Variants in EYA4 observed in about 807,000 individuals in gnomAD.
EYA4 encodes the protein EYA transcriptional coactivator and phosphatase 4.
EYA4 carries 31 observed loss-of-function variants against 87.9 expected under a neutral mutation model. That is an observed-to-expected ratio of 0.35 (90% confidence interval 0.27 to 0.48). The LOEUF (loss-of-function observed/expected upper bound fraction) is 0.48, where lower values mean the gene tolerates loss of function less well. Ranked by LOEUF, EYA4 falls within the 20% of genes least tolerant of loss-of-function variation. The pLI is 0.99. For missense variants in EYA4, 678 were observed against 761.4 expected (o/e 0.89, Z 1.29); for synonymous variants, 263 against 270.6 (o/e 0.97, Z 0.28).
At chr6:133,354,841 A>G (rs892957190) in intron 2 of EYA4, among the ~76,000 whole-genome samples, 13 of 152,208 alleles carry the variant, frequency 8.5e-5, no homozygotes, top group African/African-American at 2.9e-4. Flanking sequence ...CTGTTTAACC[A>G]GGTCCATTGA....
At chr6:133,272,178 T>C (rs1776749142) in intron 1 of EYA4, among the ~76,000 whole-genome samples, 1 of 152,210 alleles carries the variant, frequency 6.6e-6, no homozygotes, top group Non-Finnish European at 1.5e-5. Flanking sequence ...GCTGTAGTGC[T>C]GCAGCTGTCC....
intron 5 of EYA4, among the ~76,000 whole-genome samples, chr6:133,450,281 G>A (rs547567834): frequency 3.0e-4 from 46 of 152,202 alleles, no homozygotes; most frequent in African/African-American, 1.1e-3. Flanking sequence ...CACCGTGCCC[G>A]GCCAAATTTC....
rs111715449 is a variant in EYA4 at position 133,390,207 on chromosome 6, C to T, written c.83+7766C>T. On this transcript the variant is annotated intron_variant, in intron 3 of 19. Transcript: ENST00000355286. ...TTCTGGGCTACCTGTTGTCCACTCTCCTAGTTCTCTTATTTTTATTTTTAT... is the reference window on the plus strand; with the variant it reads ...TTCTGGGCTACCTGTTGTCCACTCTTCTAGTTCTCTTATTTTTATTTTTAT... 2.0e-4 allele frequency among the ~76,000 whole-genome samples: 31 copies of T among 151,728 alleles called. 2 individuals carry two copies. Among genetic ancestry groups the T allele is most frequent in the South Asian group, 8.4e-4 (4 of 4,766 alleles).
intron 1 of EYA4, among the ~76,000 whole-genome samples, chr6:133,264,450 C>T (rs556068789): frequency 6.6e-6 from 1 of 152,258 alleles, no homozygotes; most frequent in Non-Finnish European, 1.5e-5. Context: ...GGGAGCAGGA[C>T]TGGAGGGAAG....
intron 6 of EYA4, among the ~76,000 whole-genome samples, chr6:133,457,383 AAAG>A (rs1490096290): frequency 1.1e-4 from 17 of 152,198 alleles, no homozygotes; most frequent in Non-Finnish European, 4.4e-5. Context: ...GGTACATCAG[AAAG>A]AAGAACATTA....
chr6:133,257,470 A>G (rs1422993271), intron 1 of EYA4, among the ~76,000 whole-genome samples: 2 of 152,230 alleles, frequency 1.3e-5, no homozygotes, highest in African/African-American at 2.4e-5. Flanking sequence ...AATATGACTG[A>G]TATTTATTTC....
At chr6:133,283,123 G>C (rs905985399) in intron 2 of EYA4, among the ~76,000 whole-genome samples, 1 of 151,884 alleles carries the variant, frequency 6.6e-6, no homozygotes, top group African/African-American at 2.4e-5. Flanking sequence ...GTGAAACCCT[G>C]TATCTACTAA....
rs1335856542 is a variant in EYA4 at position 133,294,348 on chromosome 6, TTTTTTG to T, written c.33+19540_33+19545del. Among the ~76,000 whole-genome samples the T allele has an allele frequency of 3.3e-5, 5 of 150,932 alleles. No homozygotes were observed. The East Asian group carries it at 7.8e-4, about 23-fold the overall frequency. On this transcript the variant is annotated intron_variant, in intron 2 of 19. Transcript: ENST00000355286. ...CTTGGTCTCTTGCTCTTTCTGTTTT[TTTTTTG>T]TTTTGTTTTTGTTTTTTTTGTTTTT...
At chr6:133,265,427 T>C (rs1426728354) in intron 1 of EYA4, among the ~76,000 whole-genome samples, 1 of 152,192 alleles carries the variant, frequency 6.6e-6, no homozygotes, top group Non-Finnish European at 1.5e-5. Flanking sequence ...CAGTTACTGT[T>C]ATTCCTTAAT....
chr6:133,320,789 C>T (rs1023361108), intron 2 of EYA4, among the ~76,000 whole-genome samples: 4 of 152,060 alleles, frequency 2.6e-5, no homozygotes, highest in Admixed American at 2.0e-4. Context: ...ATTTGATTTT[C>T]GGGGTTATTT....
intron 2 of EYA4, among the ~76,000 whole-genome samples, chr6:133,279,626 A>G (rs1016098714): frequency 2.0e-5 from 3 of 152,152 alleles, no homozygotes; most frequent in Admixed American, 6.5e-5. Context: ...AATAATGTCT[A>G]TTAAAATTCT....
At chr6:133,445,630 G>T (rs930550533) in intron 3 of EYA4, among the ~76,000 whole-genome samples, 2 of 150,256 alleles carry the variant, frequency 1.3e-5, no homozygotes, top group Non-Finnish European at 1.5e-5. Context: ...TCCGGCTGGA[G>T]TGCAGTGGCG....
intron 6 of EYA4, among the ~76,000 whole-genome samples, chr6:133,457,662 A>G (rs1264902595): frequency 6.6e-6 from 1 of 152,212 alleles, no homozygotes; most frequent in Admixed American, 6.6e-5. Flanking sequence ...AAATAATAGT[A>G]CATAAACTTT....
At chr6:133,317,503 T>C (rs1290100093) in intron 2 of EYA4, among the ~76,000 whole-genome samples, 2 of 152,346 alleles carry the variant, frequency 1.3e-5, no homozygotes, top group East Asian at 3.9e-4. Context: ...TCTTTGCTTT[T>C]ATATAGGAAC....
At chr6:133,401,832 C>T (rs1271330453) in intron 3 of EYA4, among the ~76,000 whole-genome samples, 1 of 152,172 alleles carries the variant, frequency 6.6e-6, no homozygotes, top group Non-Finnish European at 1.5e-5. Flanking sequence ...ATCCAGGGCT[C>T]ACCCCTCTCA....
intron 3 of EYA4, among the ~76,000 whole-genome samples, chr6:133,411,531 A>ATG (rs1315895979): frequency 2.6e-5 from 4 of 151,698 alleles, no homozygotes; most frequent in Admixed American, 6.6e-5. Context: ...TTTTCCATAT[A>ATG]TGTGTGTGTG....
chr6:133,252,412 T>G (rs1392984437), intron 1 of EYA4, among the ~76,000 whole-genome samples: 1 of 152,152 alleles, frequency 6.6e-6, no homozygotes, highest in East Asian at 1.9e-4. Context: ...TAAAAATAAA[T>G]ATATTACATG....
chr6:133,307,900 G>T (rs1779929483), intron 2 of EYA4, among the ~76,000 whole-genome samples: 1 of 152,108 alleles, frequency 6.6e-6, no homozygotes, highest in Non-Finnish European at 1.5e-5. Context: ...CATAATCCCC[G>T]TGTGTTGTGG....
chr6:133,298,237 C>G (rs1160064266), intron 2 of EYA4, among the ~76,000 whole-genome samples: 2 of 152,162 alleles, frequency 1.3e-5, no homozygotes, highest in Non-Finnish European at 2.9e-5. Flanking sequence ...GTCTTTGAGT[C>G]TATCTTTGCT....
Sources: allele counts gnomAD v4.1 joint callset (sites outside exome capture counted in the v4.1 genomes callset), GRCh38; gene constraint gnomAD v4.1.1; transcripts MANE v1.5; gene names NCBI Gene and HGNC (gene_info 2026-07-23, HGNC 2026-07-21).